Variants in MBD6 observed in about 807,000 individuals in gnomAD.
The protein encoded by MBD6 is methyl-CpG binding domain protein 6.
Under a neutral mutation model 66.8 loss-of-function variants are expected in MBD6, and 22 were observed. That is an observed-to-expected ratio of 0.33 (90% CI 0.24 to 0.47). The LOEUF (loss-of-function observed/expected upper bound fraction) is 0.47, where lower values mean the gene tolerates loss of function less well. Among genes scored for constraint, MBD6 ranks in the 20% least tolerant of loss-of-function variants. The pLI is 1.00. For missense variants in MBD6, 1,322 were observed against 1,286.9 expected, an observed-to-expected ratio of 1.03 and a Z score of -0.42; for synonymous variants, 540 against 534.6, an observed-to-expected ratio of 1.01 and a Z score of -0.14.
rs777308152 is a variant in MBD6, at chr12:57,529,181, C to G, written c.2959C>G (p.Arg987Gly). 3 of 1,613,962 alleles carry G rather than the reference C, an allele frequency of 1.9e-6. No individual in the cohort carries two copies. Among genetic ancestry groups the G allele is most frequent in the Admixed American group, 1.7e-5 (1 of 59,992 alleles). Residue 987 changes from arginine (R) to glycine (G), a missense_variant, in exon 13 of 13, where the codon CGG (arginine) becomes GGG (glycine). Coordinates refer to ENST00000355673, the MANE Select transcript of MBD6 (RefSeq NM_052897.4). Reference protein sequence around the residue: ...TARAAVPLPPRARPGRPAKNK... With the variant: ...TARAAVPLPPGARPGRPAKNK... ...TTAGGCAGCTGTCCCTCTGCCTCCC[C>G]GGGCCCGCCCTGGCCGTCCTGCCAA... is the stretch of plus-strand genomic sequence containing the variant.
Position 57,529,630 on chromosome 12 carries a change from A to G in MBD6, c.*396A>G, listed in dbSNP as rs1879431711. 5.2e-6 allele frequency: 1 copy of G among 191,604 alleles called. No individual in the cohort carries two copies. Among genetic ancestry groups the G allele is most frequent in the Admixed American group, 5.3e-5 (1 of 18,902 alleles). The allele number at this position is 191,604 out of a possible 1,614,324, so 11.9% of individuals were successfully genotyped here. On this transcript the variant is annotated 3_prime_UTR_variant, in exon 13 of 13. Coordinates refer to ENST00000355673, the MANE Select transcript of MBD6 (RefSeq NM_052897.4). Reference sequence around the variant, plus strand: ...TTAAAGCCAACAGGCTCAGTTTACAAACCTGTGAGCTACTGTTGGCTGCTG... The same window carrying G: ...TTAAAGCCAACAGGCTCAGTTTACAGACCTGTGAGCTACTGTTGGCTGCTG...
chr12:57,525,574 T>C lies in MBD6; in HGVS notation c.606T>C (p.Arg202=). 1.2e-6 allele frequency: 2 copies of C among 1,609,732 alleles called. No homozygotes were observed. Among genetic ancestry groups the C allele is most frequent in the Non-Finnish European group, 1.7e-6 (2 of 1,177,856 alleles). The change falls in exon 6 of 13, where the codon CGT becomes CGC. Residue 202 remains arginine (R), a synonymous_variant. Transcript: ENST00000355673. ...PVPSGGSSSP[R]FLPRGNAPSP... ...CTTCTGGGGGCAGTAGCAGCCCCCG[T>C]TTCCTCCCAAGGGGCAATGCCCCCT...
In MBD6 at chr12:57,528,459, C is replaced by A. The variant is rs745995883; in HGVS notation, c.2719C>A (p.Pro907Thr). ...CTTCAATGGACAAATGGAAAGGTCC[C>A]CAAGAAGAACCCACCATTGGCAGCA... The part of the protein sequence containing the change: ...GGFNGQMERS[P>T]RRTHHWQHNG... The change falls in exon 10 of 13, where the codon CCA (proline) becomes ACA (threonine). Residue 907 changes from proline (P) to threonine (T), a missense_variant. Transcript: ENST00000355673. 5.8e-5 allele frequency: 93 copies of A among 1,613,744 alleles called. No homozygotes were observed. Among genetic ancestry groups the A allele is most frequent in the Non-Finnish European group, 7.7e-5 (91 of 1,180,030 alleles).
At position 57,526,820 on chromosome 12, in the gene MBD6, A is replaced by G. The variant is rs766176543; in HGVS notation, c.1675A>G (p.Ser559Gly). The G allele has an allele frequency of 6.2e-6, 10 of 1,612,636 alleles. No homozygotes were observed. Among genetic ancestry groups the G allele is most frequent in the African/African-American group, 2.7e-5 (2 of 74,812 alleles). The change falls in exon 7 of 13, where the codon AGT (serine) becomes GGT (glycine). Residue 559 changes from serine to glycine, a missense_variant. Physicochemically the swap from Ser to Gly is moderately conservative, Grantham distance 56. Coordinates refer to ENST00000355673, the MANE Select transcript of MBD6 (RefSeq NM_052897.4). Reference protein sequence around the residue: ...QPPPSPLLNHSLFGVLTGGGG... With the variant: ...QPPPSPLLNHGLFGVLTGGGG... Reference sequence around the variant, plus strand: ...TCCACCTTCTCCATTGCTCAACCACAGTTTATTTGGTGTGCTGACTGGGGG... The same window carrying G: ...TCCACCTTCTCCATTGCTCAACCACGGTTTATTTGGTGTGCTGACTGGGGG...
Position 57,525,527 on chromosome 12 carries a change from C to T in MBD6, c.559C>T (p.Pro187Ser), listed in dbSNP as rs765386670. ...AGCAGGCCCTGGGGGGCTTTTCCCC[C>T]CAAGGCTTGCTGACCCAGTCCCTTC... Reference protein sequence around the residue: ...TLAGPGGLFPPRLADPVPSGG... With the variant: ...TLAGPGGLFPSRLADPVPSGG... The change falls in exon 6 of 13, where the codon CCA becomes TCA. Residue 187 changes from proline (P) to serine (S), a missense_variant. Coordinates refer to ENST00000355673, the MANE Select transcript of MBD6 (RefSeq NM_052897.4). 1.3e-5 allele frequency: 20 copies of T among 1,590,048 alleles called. No individual in the cohort carries two copies. The highest frequency in any genetic ancestry group is 1.7e-5 in the Non-Finnish European group (20 of 1,168,710).
chr12:57,529,573 T>C lies in MBD6; in HGVS notation c.*339T>C. 1 of 233,974 alleles carries C rather than the reference T, an allele frequency of 4.3e-6. No individual in the cohort carries two copies. Among genetic ancestry groups the C allele is most frequent in the Non-Finnish European group, 8.6e-6 (1 of 116,940 alleles). 14.5% of individuals were successfully genotyped at this position (233,974 alleles called of 1,614,324 possible). On this transcript the variant is annotated 3_prime_UTR_variant, in exon 13 of 13. Coordinates refer to ENST00000355673, the MANE Select transcript of MBD6 (RefSeq NM_052897.4). ...AGTTATTTTTGCACAAATGACTCTT[T>C]TATATTTAATTCGATTTCATTGCCT...
chr12:57,528,050 T>C, intron 9 of MBD6, 33 bp downstream of exon 9: 1 of 1,528,620 alleles, frequency 6.5e-7, no homozygotes, highest in Non-Finnish European at 8.8e-7. Context: ...GTCAGGGAGA[T>C]AATTTTTTCT....
At chr12:57,528,919 C>G in intron 11 of MBD6, 27 bp from the exon 12 acceptor site, 1 of 1,614,116 alleles carries the variant, frequency 6.2e-7, no homozygotes, top group Non-Finnish European at 8.5e-7. Context: ...GGGAGCTGTT[C>G]CTGATCATCT....
At chr12:57,528,090 A>G (rs1287396617) in intron 9 of MBD6, 57 bp from the exon 10 acceptor site, 7 of 1,537,040 alleles carry the variant, frequency 4.6e-6, no homozygotes, top group Non-Finnish European at 6.1e-6. Context: ...TTTCTGAGTT[A>G]TAGTAGAAGA....
chr12:57,526,994 C>T lies in MBD6; in HGVS notation c.1849C>T (p.Pro617Ser). The T allele has an allele frequency of 6.2e-7, 1 of 1,613,800 alleles. No individual in the cohort carries two copies. Among genetic ancestry groups the T allele is most frequent in the South Asian group, 1.1e-5 (1 of 91,080 alleles). ...AGACCTTCTTCCACCTCCTTCAGCACCTCCCAGCAACCTCCTTGCCTCTTT... is the reference window on the plus strand; with the variant it reads ...AGACCTTCTTCCACCTCCTTCAGCATCTCCCAGCAACCTCCTTGCCTCTTT... ...PSDLLPPPSA[P>S]PSNLLASFLP... Residue 617 changes from proline to serine, a missense_variant, in exon 7 of 13, where the codon CCT becomes TCT. Transcript: ENST00000355673.
At chr12:57,526,423 G>C in intron 6 of MBD6, 35 bp downstream of exon 6, 3 of 1,535,810 alleles carry the variant, frequency 2.0e-6, no homozygotes, top group Non-Finnish European at 2.6e-6. Flanking sequence ...CCTCATCCTG[G>C]CTGGAAAGAG....
downstream of MBD6, chr12:57,530,312 A>G (rs1879533649): frequency 5.7e-6 from 1 of 175,276 alleles, no homozygotes; most frequent in African/African-American, 2.3e-5. Flanking sequence ...GAGGCCACAC[A>G]GAGTACAACA....
Position 57,527,964 on chromosome 12 carries a change from C to T in MBD6, c.2353C>T (p.Pro785Ser), listed in dbSNP as rs886605298. The change falls in exon 9 of 13, where the codon CCA becomes TCA. Residue 785 changes from proline (P) to serine (S), a missense_variant. By Grantham distance (74) the Pro-to-Ser change is moderately conservative. Coordinates refer to ENST00000355673, the MANE Select transcript of MBD6 (RefSeq NM_052897.4). Reference protein sequence around the residue: ...LQLLPGGGAPPPLSEASSPLA... With the variant: ...LQLLPGGGAPSPLSEASSPLA... ...GCTCCTCCCTGGGGGGGGAGCTCCTCCACCCCTCTCAGAGGCTTCTAGTCC... is the reference window on the plus strand; with the variant it reads ...GCTCCTCCCTGGGGGGGGAGCTCCTTCACCCCTCTCAGAGGCTTCTAGTCC... The T allele has an allele frequency of 2.5e-6, 4 of 1,584,240 alleles. No homozygotes were observed. Among genetic ancestry groups the T allele is most frequent in the African/African-American group, 1.4e-5 (1 of 73,364 alleles).
intron 11 of MBD6, 109 bp from the exon 12 acceptor site, chr12:57,528,837 A>G (rs1879293657): frequency 6.3e-7 from 1 of 1,597,650 alleles, no homozygotes; most frequent in African/African-American, 1.3e-5. Flanking sequence ...GAATATGAAT[A>G]AGGATATTAT....
chr12:57,522,210 T>C (rs1878395216), upstream of MBD6, among the ~76,000 whole-genome samples: 1 of 152,168 alleles, frequency 6.6e-6, no homozygotes, highest in Non-Finnish European at 1.5e-5. Flanking sequence ...CACACCTCCA[T>C]TTCCTCTCTG....
Position 57,527,146 on chromosome 12 carries a change from T to C in MBD6, c.2001T>C (p.Leu667=), listed in dbSNP as rs550129883. Reference sequence around the variant, plus strand: ...TGTCCCCCCTACTTTTCCCCCCACTTTCAGCCCCCCCTACCCTCATAGCTT... The same window carrying C: ...TGTCCCCCCTACTTTTCCCCCCACTCTCAGCCCCCCCTACCCTCATAGCTT... ...GDLSPLLFPP[L]SAPPTLIALN... Residue 667 remains leucine (L), a synonymous_variant, in exon 7 of 13, where the codon CTT becomes CTC. Coordinates refer to ENST00000355673, the MANE Select transcript of MBD6 (RefSeq NM_052897.4). 1.3e-6 allele frequency: 2 copies of C among 1,491,816 alleles called. No individual in the cohort carries two copies. Among genetic ancestry groups the C allele is most frequent in the African/African-American group, 2.8e-5 (2 of 70,246 alleles). The allele number at this position is 1,491,816 out of a possible 1,614,324, so 92.4% of individuals were successfully genotyped here. A position where few individuals can be genotyped will look rare whatever the true frequency, so the allele number is the denominator to read the frequency against.
chr12:57,523,088 C>T (rs1311544059), intron 1 of MBD6, 77 bp downstream of exon 1: 1 of 143,732 alleles, frequency 7.0e-6, no homozygotes, highest in Non-Finnish European at 1.5e-5. Flanking sequence ...CGCGTCCTCT[C>T]GGCCCCTTTC....
Position 57,526,837 on chromosome 12 carries a change from G to A in MBD6, c.1692G>A (p.Leu564=). The part of the protein sequence containing the change: ...PLLNHSLFGV[L]TGGGGQPPPE... ...TCAACCACAGTTTATTTGGTGTGCT[G>A]ACTGGGGGAGGAGGACAACCTCCCC... is the stretch of plus-strand genomic sequence containing the variant. The change falls in exon 7 of 13, where the codon CTG becomes CTA. Residue 564 remains leucine (L), a synonymous_variant. Coordinates refer to ENST00000355673, the MANE Select transcript of MBD6 (RefSeq NM_052897.4). 1 of 1,613,484 alleles carries A rather than the reference G, an allele frequency of 6.2e-7. No homozygotes were observed. Among genetic ancestry groups the A allele is most frequent in the Non-Finnish European group, 8.5e-7 (1 of 1,179,724 alleles).
chr12:57,525,736 A>C lies in MBD6; in HGVS notation c.768A>C (p.Ser256=). The change falls in exon 6 of 13, where the codon TCA becomes TCC. Residue 256 remains serine (S), a synonymous_variant. Transcript: ENST00000355673. ...CTCATGCCTCCTCCTCACCACCTTC[A>C]GACCCTCCTCTCTTCCACTGTAGTG... ...PAPHASSSPP[S]DPPLFHCSDA... is the part of the protein sequence containing the mutation. The C allele has an allele frequency of 6.2e-7, 1 of 1,613,554 alleles. No homozygotes were observed. Among genetic ancestry groups the C allele is most frequent in the East Asian group, 2.2e-5 (1 of 44,808 alleles).
Sources: gnomAD v4.1 joint callset for allele counts (sites outside exome capture counted in the v4.1 genomes callset) on GRCh38, gnomAD v4.1.1 for gene constraint, MANE v1.5 for transcripts, NCBI Gene and HGNC (gene_info 2026-07-23, HGNC 2026-07-21) for gene names.